Variants in NDUFA10 observed in about 807,000 individuals in gnomAD.
NDUFA10 encodes the protein NADH dehydrogenase [ubiquinone] 1 alpha subcomplex subunit 10, mitochondrial.
Under a neutral mutation model 47.8 loss-of-function variants are expected in NDUFA10, and 40 were observed. The observed-to-expected ratio is 0.84, with a 90% CI of 0.65 to 1.09. NDUFA10 has a LOEUF of 1.09. Among genes scored for constraint, NDUFA10 ranks in the 50% least tolerant of loss-of-function variants. The pLI is 0.00. For synonymous variants in NDUFA10, 183 were observed against 172.2 expected, an observed-to-expected ratio of 1.06 and a Z score of -0.49; for missense variants, 413 against 451.1, an observed-to-expected ratio of 0.92 and a Z score of 0.76.
chr2:239,998,596 C>T (rs535989414), intron 8 of NDUFA10, among the ~76,000 whole-genome samples: 11 of 152,286 alleles, frequency 7.2e-5, no homozygotes, highest in Non-Finnish European at 1.5e-4. Context: ...GCAAACTCAG[C>T]CCTACCAGGG....
chr2:239,938,048 C>T (rs78798912), intron 4 of NDUFA10, among the ~76,000 whole-genome samples: 9,617 of 152,114 alleles, frequency 0.063, 374 homozygotes, highest in East Asian at 0.1. Flanking sequence ...GTGGCCTTTT[C>T]CCTGCATCCC....
intron 4 of NDUFA10, among the ~76,000 whole-genome samples, chr2:239,919,227 C>T (rs1485827728): frequency 1.3e-5 from 2 of 152,218 alleles, no homozygotes; most frequent in African/African-American, 4.8e-5. Context: ...CCACTGACAA[C>T]AGCAGCCCTG....
chr2:239,903,255 G>A (rs1157596879), intron 4 of NDUFA10, among the ~76,000 whole-genome samples: 3 of 152,194 alleles, frequency 2.0e-5, no homozygotes, highest in South Asian at 2.1e-4. Flanking sequence ...GAGTGCTTTG[G>A]ACCCTAAAAC....
chr2:239,898,518 GA>G (rs765475310), intron 4 of NDUFA10, among the ~76,000 whole-genome samples: 1 of 152,264 alleles, frequency 6.6e-6, no homozygotes, highest in Non-Finnish European at 1.5e-5. Flanking sequence ...TGGTGAGGTT[GA>G]ACCCTGGGGC....
chr2:240,010,642 A>C (rs931918770), intron 6 of NDUFA10, among the ~76,000 whole-genome samples: 1 of 152,010 alleles, frequency 6.6e-6, no homozygotes, highest in African/African-American at 2.4e-5. Context: ...CTAAGAAAGA[A>C]ACGCTCACCA....
intron 1 of NDUFA10, among the ~76,000 whole-genome samples, chr2:240,022,937 T>G (rs1697693126): frequency 6.6e-6 from 1 of 152,166 alleles, no homozygotes; most frequent in Non-Finnish European, 1.5e-5. Context: ...GAGAGCAAAT[T>G]TGAGTGTCGT....
At chr2:240,010,724 T>C (rs764347418) in intron 6 of NDUFA10, among the ~76,000 whole-genome samples, 22 of 152,190 alleles carry the variant, frequency 1.4e-4, no homozygotes, top group Non-Finnish European at 2.4e-4. Flanking sequence ...AACATTTCTC[T>C]TATTCACTTT....
chr2:240,015,914 G>A (rs1037404791), intron 4 of NDUFA10, among the ~76,000 whole-genome samples: 7 of 152,252 alleles, frequency 4.6e-5, no homozygotes, highest in Non-Finnish European at 1.0e-4. Flanking sequence ...TGGCACTTTG[G>A]GAGGCCGAGG....
intron 3 of NDUFA10, among the ~76,000 whole-genome samples, chr2:240,020,028 G>GTT (rs1181553957): frequency 6.6e-6 from 1 of 152,130 alleles, no homozygotes; most frequent in Non-Finnish European, 1.5e-5. Context: ...CTAATAAAAT[G>GTT]TTTTCAACTT....
chr2:239,912,720 G>A (rs765856459), intron 4 of NDUFA10, among the ~76,000 whole-genome samples: 10 of 152,162 alleles, frequency 6.6e-5, no homozygotes, highest in Non-Finnish European at 1.2e-4. Context: ...CCACCTCTCC[G>A]CCCAGGAGCC....
At chr2:239,919,395 C>G (rs74004857) in intron 4 of NDUFA10, among the ~76,000 whole-genome samples, 20,125 of 151,210 alleles carry the variant, frequency 0.13, 1,376 homozygotes, top group South Asian at 0.17. Context: ...CTCGACTAGC[C>G]TACTTCTGTC....
intron 4 of NDUFA10, among the ~76,000 whole-genome samples, chr2:239,946,300 G>A (rs545419890): frequency 1.3e-5 from 2 of 152,236 alleles, no homozygotes; most frequent in Non-Finnish European, 2.9e-5. Flanking sequence ...AGCCCCAGCA[G>A]ACGGGGAGAT....
intron 4 of NDUFA10, among the ~76,000 whole-genome samples, chr2:239,925,887 G>C (rs1300183179): frequency 6.6e-6 from 1 of 152,202 alleles, no homozygotes; most frequent in Non-Finnish European, 1.5e-5. Flanking sequence ...ATACAGATTA[G>C]CACATGAAAA....
chr2:239,994,763 T>C lies in NDUFA10; in HGVS notation c.891-4581A>G, dbSNP rs546122760. The stretch of plus-strand genomic sequence containing the variant: ...AAGCAAAGTTTTGAATAATAGAGTA[T>C]ATCATTTAGGTAAATTTACAAACAC... On this transcript the variant is annotated intron_variant, in intron 8 of 9. Transcript: ENST00000252711. 1.5e-4 allele frequency among the ~76,000 whole-genome samples: 23 copies of C among 152,156 alleles called. No homozygotes were observed. In the East Asian group the frequency reaches 4.2e-3, roughly 28 times the overall value.
rs375639880 is a variant in NDUFA10 at position 240,004,538 on chromosome 2, C to T, written c.890+672G>A. On this transcript the variant is annotated intron_variant, in intron 8 of 9. Transcript: ENST00000252711. ...CTAGTCCTACCCCCTTCTGCAGTGG[C>T]CTCCCTTCCTAGTCCTGCCCTCTTC... Among the ~76,000 whole-genome samples, 57 of 151,826 alleles carry T rather than the reference C, an allele frequency of 3.8e-4. No homozygotes were observed. In the South Asian group the frequency reaches 0.012, roughly 32 times the overall value.
chr2:239,985,568 C>A (rs1326875208), intron 9 of NDUFA10, among the ~76,000 whole-genome samples: 1 of 151,280 alleles, frequency 6.6e-6, no homozygotes, highest in Non-Finnish European at 1.5e-5. Context: ...CAACTGGAAC[C>A]GAAAGAGAGC....
At chr2:240,018,233 T>C (rs967183642) in intron 4 of NDUFA10, among the ~76,000 whole-genome samples, 1 of 152,176 alleles carries the variant, frequency 6.6e-6, no homozygotes, top group Non-Finnish European at 1.5e-5. Flanking sequence ...AGCCTAGGTA[T>C]TGCTAGGGCA....
intron 9 of NDUFA10, chr2:239,982,171 G>T (rs1459242877): frequency 6.2e-7 from 1 of 1,612,862 alleles, no homozygotes; most frequent in Admixed American, 1.7e-5. Context: ...AGCACTTCAG[G>T]ACCCTCTCTT....
intron 1 of NDUFA10, among the ~76,000 whole-genome samples, 181 bp from the exon 2 acceptor site, chr2:240,022,521 G>T (rs1051424644): frequency 2.0e-5 from 3 of 151,760 alleles, no homozygotes; most frequent in African/African-American, 7.3e-5. Context: ...GTCCATGTAA[G>T]TTTCGTTAAA....
Sources: gnomAD v4.1 joint callset for allele counts (sites outside exome capture counted in the v4.1 genomes callset) on GRCh38, gnomAD v4.1.1 for gene constraint, MANE v1.5 for transcripts, NCBI Gene and HGNC (gene_info 2026-07-23, HGNC 2026-07-21) for gene names.